The following NCALD variants were observed in gnomAD, a reference collection of about 807,000 sequenced individuals.
The protein encoded by NCALD is neurocalcin-delta.
A neutral mutation model predicts 18.6 loss-of-function variants in NCALD; 10 were observed. The ratio of observed to expected loss-of-function variants is 0.54; its 90% CI spans 0.33 to 0.91. NCALD has a LOEUF of 0.91. Among genes scored for constraint, NCALD ranks in the 40% least tolerant of loss-of-function variants. The probability of loss-of-function intolerance (pLI) is 0.03; values close to 1 mark genes in which losing one functional copy is unlikely to be tolerated. For missense variants in NCALD, 184 were observed against 247.6 expected (o/e 0.74, Z 1.72); for synonymous variants, 88 against 87.4 (o/e 1.01, Z -0.04).
chr8:101,726,934 C>T (rs1400284459), intron 1 of NCALD, among the ~76,000 whole-genome samples: 1 of 152,258 alleles, frequency 6.6e-6, no homozygotes, highest in South Asian at 2.1e-4. Context: ...GGCATTTAGG[C>T]TCTGGGAGAT....
chr8:101,925,456 T>C (rs188150037), intron 2 of NCALD, among the ~76,000 whole-genome samples: 2 of 152,240 alleles, frequency 1.3e-5, no homozygotes, highest in East Asian at 3.9e-4. Flanking sequence ...TAGACACATA[T>C]AAACATGAAT....
intron 4 of NCALD, among the ~76,000 whole-genome samples, chr8:101,867,346 T>C (rs915939425): frequency 5.9e-5 from 9 of 152,220 alleles, no homozygotes; most frequent in Admixed American, 5.2e-4. Context: ...ATCAACTCCA[T>C]AAGGACATGG....
chr8:102,084,232 G>A (rs1272792851), intron 1 of NCALD, among the ~76,000 whole-genome samples: 5 of 152,164 alleles, frequency 3.3e-5, no homozygotes, highest in Non-Finnish European at 7.4e-5. Flanking sequence ...GTTACCACTA[G>A]GGAATGTATT....
At chr8:101,917,013 A>G (rs1311364077) in intron 2 of NCALD, among the ~76,000 whole-genome samples, 1 of 152,148 alleles carries the variant, frequency 6.6e-6, no homozygotes, top group Admixed American at 6.6e-5. Flanking sequence ...AGACATCTAT[A>G]GAATACTCCA....
At chr8:101,887,721 T>C (rs1166154831) in intron 3 of NCALD, among the ~76,000 whole-genome samples, 4 of 151,976 alleles carry the variant, frequency 2.6e-5, no homozygotes, top group African/African-American at 7.2e-5. Context: ...CTGGAATGTA[T>C]ATAGAAACTA....
chr8:101,717,093 T>C (rs1816122756), intron 2 of NCALD, among the ~76,000 whole-genome samples: 1 of 152,240 alleles, frequency 6.6e-6, no homozygotes, highest in Non-Finnish European at 1.5e-5. Flanking sequence ...CTACTGGCTT[T>C]CTGAAACATT....
At chr8:101,896,671 G>A (rs902080454) in intron 3 of NCALD, among the ~76,000 whole-genome samples, 1 of 150,776 alleles carries the variant, frequency 6.6e-6, no homozygotes, top group Non-Finnish European at 1.5e-5. Context: ...ATTTACAACA[G>A]AAAAACAAAC....
chr8:101,918,866 C>A (rs554047402), intron 2 of NCALD, among the ~76,000 whole-genome samples: 2 of 152,004 alleles, frequency 1.3e-5, no homozygotes, highest in South Asian at 4.2e-4. Flanking sequence ...GTGACACAAA[C>A]AAATGTTAAA....
chr8:101,706,304 T>C (rs1464341424), intron 2 of NCALD, among the ~76,000 whole-genome samples: 1 of 150,446 alleles, frequency 6.6e-6, no homozygotes, highest in Non-Finnish European at 1.5e-5. Flanking sequence ...AGAGGATAGA[T>C]AGTAAGACTA....
chr8:101,836,613 G>A (rs1255587301), intron 4 of NCALD, among the ~76,000 whole-genome samples: 1 of 152,138 alleles, frequency 6.6e-6, no homozygotes, highest in Non-Finnish European at 1.5e-5. Context: ...TTTAGACAAA[G>A]GATTTTATGG....
At chr8:101,833,502 C>T (rs987310175) in intron 4 of NCALD, among the ~76,000 whole-genome samples, 5 of 151,892 alleles carry the variant, frequency 3.3e-5, no homozygotes, top group African/African-American at 1.2e-4. Flanking sequence ...TTGGCTAGGA[C>T]TGTTCATGGT....
intron 2 of NCALD, among the ~76,000 whole-genome samples, chr8:102,003,064 A>AT (rs1408561538): frequency 2.6e-5 from 4 of 152,084 alleles, no homozygotes; most frequent in Admixed American, 2.6e-4. Flanking sequence ...ACAAAAAAAA[A>AT]CCTTCAAAAA....
At chr8:101,943,115 G>A (rs551225578) in intron 2 of NCALD, among the ~76,000 whole-genome samples, 10 of 152,240 alleles carry the variant, frequency 6.6e-5, no homozygotes, top group Admixed American at 4.6e-4. Flanking sequence ...TTGTTGGGGG[G>A]TTCTGGCATT....
intron 1 of NCALD, among the ~76,000 whole-genome samples, chr8:101,771,131 G>A (rs1383983414): frequency 2.0e-5 from 3 of 152,086 alleles, no homozygotes; most frequent in Non-Finnish European, 1.5e-5. Flanking sequence ...AACTGCTATC[G>A]GGTAGGTGCA....
chr8:102,109,848 A>G (rs992384276), intron 1 of NCALD, among the ~76,000 whole-genome samples: 1 of 152,200 alleles, frequency 6.6e-6, no homozygotes, highest in Non-Finnish European at 1.5e-5. Flanking sequence ...AAGAAGAAAG[A>G]ATCACTCTTA....
chr8:101,920,054 C>A (rs1356904181), intron 2 of NCALD, among the ~76,000 whole-genome samples: 5 of 152,116 alleles, frequency 3.3e-5, no homozygotes, highest in African/African-American at 1.2e-4. Context: ...CCCAGGAATT[C>A]AAGACCAGCC....
At chr8:101,903,729 C>T (rs544016454) in intron 3 of NCALD, among the ~76,000 whole-genome samples, 28 of 152,298 alleles carry the variant, frequency 1.8e-4, no homozygotes, top group African/African-American at 6.5e-4. Flanking sequence ...CCTGCTCTTA[C>T]CAGCAGAGAG....
intron 4 of NCALD, among the ~76,000 whole-genome samples, chr8:101,861,438 G>A (rs150661161): frequency 1.3e-4 from 20 of 151,964 alleles, no homozygotes; most frequent in Middle Eastern, 3.4e-3. Context: ...AAAAACATGG[G>A]TGGAACACAC....
chr8:101,969,589 C>T (rs556906952), intron 2 of NCALD, among the ~76,000 whole-genome samples: 17 of 152,210 alleles, frequency 1.1e-4, no homozygotes, highest in African/African-American at 3.1e-4. Flanking sequence ...GATTCTCAGA[C>T]GGGGCCAATG....
Sources: allele counts gnomAD v4.1 joint callset (sites outside exome capture counted in the v4.1 genomes callset), GRCh38; gene constraint gnomAD v4.1.1; transcripts MANE v1.5; gene names NCBI Gene and HGNC (gene_info 2026-07-23, HGNC 2026-07-21).